PCDH15: variants seen among roughly 807,000 people sequenced by gnomAD.
PCDH15 encodes protocadherin related 15, also known as protocadherin-15.
PCDH15 carries 129 observed loss-of-function variants against 178.5 expected under a neutral mutation model. That is an observed-to-expected ratio of 0.72 (90% CI 0.63 to 0.84). The LOEUF is 0.84. PCDH15 is among the 40% of genes least tolerant of loss of function. The pLI is 0.00. For missense variants in PCDH15, 2,230 were observed against 2,099.9 expected, an observed-to-expected ratio of 1.06 and a Z score of -1.21; for synonymous variants, 800 against 732.0, an observed-to-expected ratio of 1.09 and a Z score of -1.50.
intron 26 of PCDH15, among the ~76,000 whole-genome samples, chr10:53,890,913 AC>A (rs1187889951): frequency 6.6e-6 from 1 of 152,204 alleles, no homozygotes; most frequent in Non-Finnish European, 1.5e-5. Context: ...ATTAATTGAA[AC>A]TAATAGGAAG....
chr10:55,271,952 A>C (rs554874818), intron 1 of PCDH15, among the ~76,000 whole-genome samples: 1 of 152,274 alleles, frequency 6.6e-6, no homozygotes, highest in Admixed American at 6.5e-5. Flanking sequence ...TTTAGACAGG[A>C]GTGACATATG....
intron 2 of PCDH15, among the ~76,000 whole-genome samples, chr10:54,572,850 T>C (rs1445257810): frequency 6.6e-6 from 1 of 152,134 alleles, no homozygotes; most frequent in African/African-American, 2.4e-5. Flanking sequence ...CACTTCTCTA[T>C]TGTAATTTAT....
At chr10:55,419,351 T>C (rs1003240561) in intron 2 of PCDH15, among the ~76,000 whole-genome samples, 3 of 151,778 alleles carry the variant, frequency 2.0e-5, no homozygotes, top group Non-Finnish European at 4.4e-5. Context: ...TGTCCATAGA[T>C]CTTCCAGCAT....
chr10:53,901,680 T>C (rs938589934), intron 26 of PCDH15, among the ~76,000 whole-genome samples: 4 of 152,182 alleles, frequency 2.6e-5, no homozygotes, highest in African/African-American at 7.2e-5. Context: ...TCTGATCTCA[T>C]TTCCTACCAG....
intron 2 of PCDH15, among the ~76,000 whole-genome samples, chr10:55,385,902 T>C (rs1837649104): frequency 1.3e-5 from 2 of 151,318 alleles, no homozygotes; most frequent in Admixed American, 6.6e-5. Context: ...TATCTACACA[T>C]ATATCTACAA....
chr10:54,908,283 G>A (rs892559176), intron 2 of PCDH15, among the ~76,000 whole-genome samples: 1 of 152,184 alleles, frequency 6.6e-6, no homozygotes, highest in Non-Finnish European at 1.5e-5. Context: ...CTGCGGCATG[G>A]CAGGCAACTC....
chr10:53,995,524 A>C, intron 21 of PCDH15, 125 bp downstream of exon 21: 1 of 1,551,892 alleles, frequency 6.4e-7, no homozygotes, highest in Non-Finnish European at 8.8e-7. Context: ...AAGAACATAA[A>C]ATGTATGAAT....
At chr10:55,594,917 A>T (rs2132135815) in intron 2 of PCDH15, among the ~76,000 whole-genome samples, 1 of 152,174 alleles carries the variant, frequency 6.6e-6, no homozygotes, top group African/African-American at 2.4e-5. Context: ...GTACCTAAGA[A>T]TATTGACTTT....
At chr10:54,920,977 C>A (rs1837471707) in intron 2 of PCDH15, among the ~76,000 whole-genome samples, 1 of 152,168 alleles carries the variant, frequency 6.6e-6, no homozygotes, top group African/African-American at 2.4e-5. Context: ...ATACTGCCTG[C>A]CAATGAAGCC....
At chr10:54,148,316 G>A (rs2044185494) in intron 14 of PCDH15, among the ~76,000 whole-genome samples, 2 of 151,942 alleles carry the variant, frequency 1.3e-5, no homozygotes, top group Admixed American at 1.3e-4. Flanking sequence ...GAGCCCATAA[G>A]GATACTAAAA....
At chr10:54,733,872 A>T (rs995242196) in intron 1 of PCDH15, among the ~76,000 whole-genome samples, 16 of 151,608 alleles carry the variant, frequency 1.1e-4, no homozygotes, top group African/African-American at 3.6e-4. Context: ...AGTGCCAGAA[A>T]AATTAGACCT....
intron 15 of PCDH15, among the ~76,000 whole-genome samples, chr10:54,130,896 T>C (rs113339729): frequency 1.4e-3 from 214 of 152,250 alleles, no homozygotes; most frequent in African/African-American, 5.0e-3. Flanking sequence ...AGGTCACTAG[T>C]TTAAATGTAG....
At chr10:54,275,192 G>GA (rs35278580) in intron 8 of PCDH15, among the ~76,000 whole-genome samples, 25 of 150,952 alleles carry the variant, frequency 1.7e-4, no homozygotes, top group African/African-American at 5.8e-4. Flanking sequence ...AACCAATTAG[G>GA]AAAAAAATAT....
At position 55,553,810 on chromosome 10, in the gene PCDH15, G is replaced by A. The variant is rs372411202; in HGVS notation, c.-156+73815C>T. On this transcript the variant is annotated intron_variant, in intron 2 of 5. Coordinates refer to the PCDH15 transcript ENST00000613346. ...CAAACTAAGTGATCAATATATATAA[G>A]TTCTGCATAATTAAGATGATTATGG... 1.6e-4 allele frequency among the ~76,000 whole-genome samples: 24 copies of A among 151,994 alleles called. 1 individual carries two copies. In the East Asian group the frequency reaches 3.1e-3, roughly 20 times the overall value.
At chr10:54,485,124 C>G (rs2079008995) in intron 3 of PCDH15, among the ~76,000 whole-genome samples, 1 of 151,494 alleles carries the variant, frequency 6.6e-6, no homozygotes. Flanking sequence ...TCTTCTTTTC[C>G]TCTCATAAAT....
At chr10:55,232,082 T>C (rs573440603) in intron 1 of PCDH15, among the ~76,000 whole-genome samples, 2 of 152,126 alleles carry the variant, frequency 1.3e-5, no homozygotes, top group African/African-American at 4.8e-5. Flanking sequence ...TTTATTTAGA[T>C]GAAGGTCTAT....
intron 2 of PCDH15, among the ~76,000 whole-genome samples, chr10:54,569,992 G>T (rs372449261): frequency 2.0e-5 from 3 of 152,062 alleles, no homozygotes; most frequent in African/African-American, 7.2e-5. Context: ...GGCTACATTG[G>T]TCCAAATTTT....
chr10:54,742,293 C>T (rs1240072615), intron 1 of PCDH15, among the ~76,000 whole-genome samples: 1 of 151,118 alleles, frequency 6.6e-6, no homozygotes, highest in Non-Finnish European at 1.5e-5. Context: ...TATTTAGTCT[C>T]ACTTATTCCT....
At chr10:54,723,345 G>A (rs75305522) in intron 1 of PCDH15, among the ~76,000 whole-genome samples, 10,496 of 151,564 alleles carry the variant, frequency 0.069, 424 homozygotes, top group South Asian at 0.15. Flanking sequence ...GGCTAGCCAC[G>A]TGCAGAATAA....
Sources: allele counts gnomAD v4.1 joint callset (sites outside exome capture counted in the v4.1 genomes callset), GRCh38; gene constraint gnomAD v4.1.1; transcripts MANE v1.5; gene names NCBI Gene and HGNC (gene_info 2026-07-23, HGNC 2026-07-21).